The following SLFN12 variants were observed in gnomAD, a reference collection of about 807,000 sequenced individuals.
SLFN12 encodes the protein schlafen family member 12.
Under a neutral mutation model 29.1 loss-of-function variants are expected in SLFN12, and 25 were observed. That is an observed-to-expected ratio of 0.86 (90% CI 0.63 to 1.20). SLFN12 has a LOEUF of 1.20. Ranked by LOEUF, SLFN12 falls within the 50% of genes most tolerant of loss-of-function variation. The pLI is 0.00. For synonymous variants in SLFN12, 257 were observed against 238.7 expected (o/e 1.08, Z -0.71); for missense variants, 660 against 666.2 (o/e 0.99, Z 0.10).
At chr17:35,419,360 C>T (rs1046996063) in intron 3 of SLFN12, among the ~76,000 whole-genome samples, 3 of 151,894 alleles carry the variant, frequency 2.0e-5, no homozygotes, top group African/African-American at 4.8e-5. Flanking sequence ...ATTTGGTAGT[C>T]GTTAATACCT....
intron 3 of SLFN12, among the ~76,000 whole-genome samples, chr17:35,419,814 C>T (rs1466244722): frequency 3.3e-5 from 5 of 152,036 alleles, no homozygotes; most frequent in African/African-American, 7.2e-5. Flanking sequence ...ACTAGAAGAC[C>T]GACTAAGAAT....
chr17:35,418,986 G>C (rs2014088552), intron 3 of SLFN12, among the ~76,000 whole-genome samples: 1 of 152,024 alleles, frequency 6.6e-6, no homozygotes, highest in South Asian at 2.1e-4. Flanking sequence ...TTGTGCCTCA[G>C]TCTCCTGAGT....
intron 1 of SLFN12, among the ~76,000 whole-genome samples, chr17:35,426,361 C>T (rs537307287): frequency 3.5e-4 from 54 of 152,194 alleles, no homozygotes; most frequent in African/African-American, 1.3e-3. Flanking sequence ...ACATCCAAAA[C>T]ATCACTGCCC....
intron 1 of SLFN12, among the ~76,000 whole-genome samples, chr17:35,429,373 C>T (rs2142051504): frequency 6.6e-6 from 1 of 152,204 alleles, no homozygotes; most frequent in Non-Finnish European, 1.5e-5. Flanking sequence ...AGTTGAAAAT[C>T]ACTGCCTTCA....
At chr17:35,423,154 T>C in intron 1 of SLFN12, 86 bp from the exon 2 acceptor site, 2 of 1,432,820 alleles carry the variant, frequency 1.4e-6, no homozygotes, top group Non-Finnish European at 1.9e-6. Flanking sequence ...AAAAAAATCC[T>C]GTGCTGTATA....
chr17:35,421,931 G>C (rs1271659927), intron 2 of SLFN12, 59 bp downstream of exon 2: 5 of 1,568,520 alleles, frequency 3.2e-6, no homozygotes, highest in Non-Finnish European at 4.3e-6. Context: ...ATCCCATAGA[G>C]AAAACCTCCC....
rs773780103 is a variant in SLFN12 at position 35,422,008 on chromosome 17, T to C, written c.1021A>G (p.Met341Val). 1.2e-6 allele frequency: 2 copies of C among 1,613,676 alleles called. No homozygotes were observed. Among genetic ancestry groups the C allele is most frequent in the South Asian group, 1.1e-5 (1 of 91,086 alleles). Residue 341 changes from methionine to valine, a missense_variant, in exon 2 of 4, where the codon ATG (methionine) becomes GTG (valine). Met to Val is a conservative substitution (Grantham distance 21). Transcript: ENST00000304905. The part of the protein sequence containing the change: ...QLTRKEWIQF[M>V]VEAEPKFSSS... ...TCTCAACTTGGTTCAGCCTCCACCA[T>C]GAACTGGATCCATTCCTTCCTGGTC...
At chr17:35,416,151 A>G (rs1252591997) in intron 3 of SLFN12, among the ~76,000 whole-genome samples, 1 of 152,206 alleles carries the variant, frequency 6.6e-6, no homozygotes, top group African/African-American at 2.4e-5. Context: ...TGGTATATAT[A>G]CACCATGGAA....
chr17:35,422,485 C>T lies in SLFN12; in HGVS notation c.544G>A (p.Gly182Arg), dbSNP rs775481305. 8.1e-6 allele frequency: 13 copies of T among 1,612,096 alleles called. No homozygotes were observed. Among genetic ancestry groups the T allele is most frequent in the Middle Eastern group, 3.3e-4 (2 of 6,070 alleles). ...AGTTCTGTTCTATCAAAAAAAACCC[C>T]GGCCAAGGCCTTCATGTTATTTTCT... Reference protein sequence around the residue: ...QEENNMKALAGVFFDRTELDR... With the variant: ...QEENNMKALARVFFDRTELDR... The change falls in exon 2 of 4, where the codon GGG (glycine) becomes AGG (arginine). Residue 182 changes from glycine (G) to arginine (R), a missense_variant. Physicochemically the swap from Gly to Arg is moderately radical, Grantham distance 125. Coordinates refer to ENST00000304905, the MANE Select transcript of SLFN12 (RefSeq NM_018042.5).
chr17:35,420,576 T>C (rs1449902672), intron 2 of SLFN12, 195 bp from the exon 3 acceptor site: 1 of 408,596 alleles, frequency 2.4e-6, no homozygotes, highest in Non-Finnish European at 4.3e-6. Context: ...TGACACACTA[T>C]ATTTCAAATG....
intron 1 of SLFN12, among the ~76,000 whole-genome samples, chr17:35,431,692 GA>G (rs1331917611): frequency 1.3e-5 from 2 of 152,064 alleles, no homozygotes; most frequent in Non-Finnish European, 2.9e-5. Context: ...TTTGTCTCTG[GA>G]TGAAGGCCTT....
intron 2 of SLFN12, among the ~76,000 whole-genome samples, chr17:35,421,633 G>A (rs1037867557): frequency 5.3e-4 from 77 of 145,446 alleles, no homozygotes; most frequent in African/African-American, 1.9e-3. Context: ...TCCGCCACCT[G>A]GCTTCAACCG....
intron 2 of SLFN12, chr17:35,420,655 G>A (rs62078104): frequency 0.02 from 5,029 of 253,612 alleles, 75 homozygotes; most frequent in South Asian, 0.036. Context: ...TATTTTTAAA[G>A]CAGTTAAAAT....
intron 1 of SLFN12, among the ~76,000 whole-genome samples, chr17:35,426,140 GT>G (rs149680172): frequency 9.4e-5 from 14 of 148,534 alleles, no homozygotes; most frequent in Admixed American, 1.3e-4. Context: ...TTTTTAATCT[GT>G]TTTTTTTTCT....
intron 2 of SLFN12, among the ~76,000 whole-genome samples, chr17:35,421,195 C>A (rs2142039887): frequency 6.7e-6 from 1 of 149,134 alleles, no homozygotes; most frequent in South Asian, 2.1e-4. Context: ...GGTGACAGAG[C>A]AAGACTCCGT....
At chr17:35,429,607 A>G (rs772292) in intron 1 of SLFN12, among the ~76,000 whole-genome samples, 151,486 of 152,130 alleles carry the variant, frequency 1, 75,427 homozygotes, top group East Asian at 1. Context: ...GAAAGGAGAC[A>G]GCATTCAGAT....
chr17:35,413,795 G>T (rs1223339722), intron 3 of SLFN12, among the ~76,000 whole-genome samples: 1 of 151,264 alleles, frequency 6.6e-6, no homozygotes, highest in Non-Finnish European at 1.5e-5. Flanking sequence ...CATAATAAGT[G>T]GGATTTATCC....
chr17:35,419,376 TA>T (rs1166930118), intron 3 of SLFN12, among the ~76,000 whole-genome samples: 1 of 152,066 alleles, frequency 6.6e-6, no homozygotes, highest in African/African-American at 2.4e-5. Flanking sequence ...TACCTATGAC[TA>T]AAAGAGGATT....
chr17:35,422,269 T>A lies in SLFN12; in HGVS notation c.760A>T (p.Met254Leu), dbSNP rs111324869. 2 of 1,614,076 alleles carry A rather than the reference T, an allele frequency of 1.2e-6. No homozygotes were observed. The highest frequency in any genetic ancestry group is 1.7e-6 in the Non-Finnish European group (2 of 1,179,992). ...DKEIIGFKAE[M>L]SDLDDLEREI... is the part of the protein sequence containing the mutation. ...CTTTCTAAGTCATCGAGGTCACTCA[T>A]CTCTGCTTTAAAGCCAATTATTTCT... is the stretch of plus-strand genomic sequence containing the variant. Residue 254 changes from methionine (M) to leucine (L), a missense_variant, in exon 2 of 4, where the codon ATG becomes TTG. By Grantham distance (15) the Met-to-Leu change is conservative. Coordinates refer to ENST00000304905, the MANE Select transcript of SLFN12 (RefSeq NM_018042.5).
Sources: allele counts gnomAD v4.1 joint callset (sites outside exome capture counted in the v4.1 genomes callset), GRCh38; gene constraint gnomAD v4.1.1; transcripts MANE v1.5; gene names NCBI Gene and HGNC (gene_info 2026-07-23, HGNC 2026-07-21).